Variants in TUBB8B observed in about 807,000 individuals in gnomAD.
TUBB8B encodes tubulin beta 8B, also known as HSA18p11 beta-tubulin 4Q pseudogene.
In TUBB8B, 26 loss-of-function variants were observed where a neutral mutation model predicts 31.9. The ratio of observed to expected loss-of-function variants is 0.81; its 90% CI spans 0.60 to 1.13. TUBB8B has a LOEUF of 1.13. TUBB8B is among the 50% of genes most tolerant of loss of function. The probability of loss-of-function intolerance (pLI) is 0.00; values close to 1 mark genes in which losing one functional copy is unlikely to be tolerated. For synonymous variants in TUBB8B, 173 were observed against 231.0 expected (o/e 0.75, Z 2.28); for missense variants, 467 against 586.7 (o/e 0.80, Z 2.11).
At chr18:48,712 C>T in intron 3 of TUBB8B, 1 of 685,618 alleles carries the variant, frequency 1.5e-6, no homozygotes, top group Non-Finnish European at 2.6e-6. Context: ...GTAGCCACGG[C>T]CCCAGCTCAG....
At chr18:48,761 G>C in intron 3 of TUBB8B, 179 bp downstream of exon 3, 1 of 708,430 alleles carries the variant, frequency 1.4e-6, no homozygotes, top group South Asian at 1.5e-5. Flanking sequence ...ACCTTGAGGA[G>C]ACACCGGGGC....
chr18:49,567 A>G lies in TUBB8B; in HGVS notation c.-10T>C, dbSNP rs371181496. Reference sequence around the variant, plus strand: ...GCACGATTTCCCTCATGGCCAAGGCAGGATTAGGGCGGCAGCAGAAGCGCG... The same window carrying G: ...GCACGATTTCCCTCATGGCCAAGGCGGGATTAGGGCGGCAGCAGAAGCGCG... On this transcript the variant is annotated 5_prime_UTR_variant, in exon 1 of 4. Coordinates refer to ENST00000308911, the MANE Select transcript of TUBB8B (RefSeq NM_001358689.2). 29 of 820,034 alleles carry G rather than the reference A, an allele frequency of 3.5e-5. 2 individuals carry two copies. Among genetic ancestry groups the G allele is most frequent in the South Asian group, 1.8e-4 (11 of 61,908 alleles). The allele number at this position is 820,034 out of a possible 1,614,324, so 50.8% of individuals were successfully genotyped here. A position where few individuals can be genotyped will look rare whatever the true frequency, so the allele number is the denominator to read the frequency against.
the TUBB8B span, among the ~76,000 whole-genome samples, chr18:70,721 G>A: frequency 6.6e-6 from 1 of 152,006 alleles, no homozygotes. Flanking sequence ...GGAGGCTGAG[G>A]TGGGGGGATC....
At chr18:58,566 C>G in the TUBB8B span, among the ~76,000 whole-genome samples, 1 of 151,740 alleles carries the variant, frequency 6.6e-6, no homozygotes, top group South Asian at 2.1e-4. Flanking sequence ...CTCAGCTCAG[C>G]CTTCACCGTC....
chr18:55,723 C>G, the TUBB8B span, among the ~76,000 whole-genome samples: 6 of 151,818 alleles, frequency 4.0e-5, no homozygotes, highest in Non-Finnish European at 7.4e-5. Context: ...CTAACCATAT[C>G]ATGTAGCTAT....
intron 3 of TUBB8B, 170 bp from the exon 4 acceptor site, chr18:48,617 T>C: frequency 1.5e-6 from 1 of 672,922 alleles, no homozygotes; most frequent in Admixed American, 2.2e-5. Context: ...CAGCTTCCCC[T>C]GTTAGAAATT....
At chr18:63,356 G>C in the TUBB8B span, among the ~76,000 whole-genome samples, 2 of 151,730 alleles carry the variant, frequency 1.3e-5, no homozygotes, top group Non-Finnish European at 2.9e-5. Context: ...TACTGCTGTG[G>C]TGGCCTTGGA....
At chr18:63,765 T>G in the TUBB8B span, among the ~76,000 whole-genome samples, 2 of 135,392 alleles carry the variant, frequency 1.5e-5, no homozygotes, top group African/African-American at 5.6e-5. Flanking sequence ...GCCCTAACCC[T>G]AACCCTAGCC....
chr18:70,119 C>T, the TUBB8B span, among the ~76,000 whole-genome samples: 1 of 152,264 alleles, frequency 6.6e-6, no homozygotes, highest in South Asian at 2.1e-4. Context: ...TCCACTGCGC[C>T]ACTGCACTCC....
At chr18:56,869 C>G in the TUBB8B span, among the ~76,000 whole-genome samples, 2 of 151,880 alleles carry the variant, frequency 1.3e-5, no homozygotes, top group African/African-American at 4.8e-5. Context: ...AACTGACAAT[C>G]AAGGTGAAAA....
the TUBB8B span, among the ~76,000 whole-genome samples, chr18:61,130 T>A: frequency 1.3e-5 from 2 of 151,632 alleles, no homozygotes; most frequent in African/African-American, 4.8e-5. Context: ...ATCTAGGTGC[T>A]TTAGTGTTGA....
the TUBB8B span, among the ~76,000 whole-genome samples, chr18:62,839 T>G: frequency 1.3e-5 from 2 of 151,854 alleles, no homozygotes; most frequent in Non-Finnish European, 2.9e-5. Flanking sequence ...TCATTCTTTT[T>G]TGTCTCCTCT....
chr18:70,237 T>TA, the TUBB8B span, among the ~76,000 whole-genome samples: 4 of 152,254 alleles, frequency 2.6e-5, no homozygotes, highest in Admixed American at 2.0e-4. Context: ...GATTTCCTAG[T>TA]AAAAATACAC....
At chr18:61,046 G>C in the TUBB8B span, among the ~76,000 whole-genome samples, 1 of 151,654 alleles carries the variant, frequency 6.6e-6, no homozygotes, top group Non-Finnish European at 1.5e-5. Flanking sequence ...AATGACTAAA[G>C]TAGGGTGTTG....
chr18:65,120 G>C, the TUBB8B span, among the ~76,000 whole-genome samples: 6 of 152,028 alleles, frequency 3.9e-5, no homozygotes, highest in Non-Finnish European at 8.8e-5. Context: ...TGCCAACATG[G>C]TGAAACCCTG....
Position 48,969 on chromosome 18 carries a change from T to C in TUBB8B, c.248A>G (p.Gln83Arg). The part of the protein sequence containing the change: ...MDSVHSGPFG[Q>R]VFRPDNFISG... ...AATGAAGTTGTCTGGCCTGAAGACC[T>C]GCCCGAAGGGCCCCGAGTGCACAGA... Residue 83 changes from glutamine (Q) to arginine (R), a missense_variant, in exon 3 of 4, where the codon CAG becomes CGG. Physicochemically the swap from Gln to Arg is conservative, Grantham distance 43. Coordinates refer to ENST00000308911, the MANE Select transcript of TUBB8B (RefSeq NM_001358689.2). 6.2e-7 allele frequency: 1 copy of C among 1,607,828 alleles called. No homozygotes were observed. The highest frequency in any genetic ancestry group is 8.5e-7 in the Non-Finnish European group (1 of 1,176,230).
chr18:72,196 A>AAAAAAAAAAAAAAAAAAAAAAAAAAAAAC, the TUBB8B span, among the ~76,000 whole-genome samples: 111 of 84,470 alleles, frequency 1.3e-3, 15 homozygotes, highest in East Asian at 7.4e-3. Flanking sequence ...AAAAAAAAAA[A>AAAAAAAAAAAAAAAAAAAAAAAAAAAAAC]AAAGGAAAAA....
At chr18:49,071 T>A in intron 2 of TUBB8B, 21 bp from the exon 3 acceptor site, 1 of 1,564,780 alleles carries the variant, frequency 6.4e-7, no homozygotes, top group Admixed American at 1.7e-5. Context: ...CGGGAGGGCA[T>A]GAGCGAGGGG....
At chr18:63,263 C>A in the TUBB8B span, among the ~76,000 whole-genome samples, 6 of 151,848 alleles carry the variant, frequency 4.0e-5, no homozygotes, top group South Asian at 1.3e-3. Flanking sequence ...CTTCTTTGTG[C>A]CCATTATTTT....
Sources: gnomAD v4.1 joint callset for allele counts (sites outside exome capture counted in the v4.1 genomes callset) on GRCh38, gnomAD v4.1.1 for gene constraint, MANE v1.5 for transcripts, NCBI Gene and HGNC (gene_info 2026-07-23, HGNC 2026-07-21) for gene names.